PPARGC1A: variants seen among roughly 807,000 people sequenced by gnomAD.
PPARGC1A encodes the protein PPARG coactivator 1 alpha, also known as peroxisome proliferator-activated receptor gamma coactivator 1-alpha.
In PPARGC1A, 25 loss-of-function variants were observed where a neutral mutation model predicts 88.7. That is an observed-to-expected ratio of 0.28 (90% CI 0.21 to 0.39). PPARGC1A has a LOEUF of 0.39. Among genes scored for constraint, PPARGC1A ranks in the 10% least tolerant of loss-of-function variants. The probability of loss-of-function intolerance (pLI) is 1.00; values close to 1 mark genes in which losing one functional copy is unlikely to be tolerated. For synonymous variants in PPARGC1A, 363 were observed against 355.6 expected (o/e 1.02, Z -0.24); for missense variants, 880 against 968.7 (o/e 0.91, Z 1.22).
chr4:23,815,753 C>T (rs1197999934), intron 7 of PPARGC1A, among the ~76,000 whole-genome samples: 1 of 152,166 alleles, frequency 6.6e-6, no homozygotes, highest in Non-Finnish European at 1.5e-5. Context: ...TTTACGCTTA[C>T]AATGGAGCAT....
chr4:24,454,619 C>A, the PPARGC1A span, among the ~76,000 whole-genome samples: 1 of 151,908 alleles, frequency 6.6e-6, no homozygotes, highest in South Asian at 2.1e-4. Context: ...ATGCCTATAG[C>A]CCCACCTACT....
the PPARGC1A span, among the ~76,000 whole-genome samples, chr4:24,175,538 C>CTTTTTTTTTTTTTTTT: frequency 1.2e-5 from 1 of 84,880 alleles, no homozygotes; most frequent in Non-Finnish European, 2.2e-5. Flanking sequence ...CCACACCAAG[C>CTTTTTTTTTTTTTTTT]TTTTTTTTTT....
At chr4:23,836,456 C>A (rs982770801) in intron 2 of PPARGC1A, among the ~76,000 whole-genome samples, 1 of 152,184 alleles carries the variant, frequency 6.6e-6, no homozygotes, top group Admixed American at 6.5e-5. Flanking sequence ...GGCACATCAA[C>A]AAAAACTCAC....
At chr4:24,230,772 T>C in the PPARGC1A span, among the ~76,000 whole-genome samples, 1 of 152,064 alleles carries the variant, frequency 6.6e-6, no homozygotes, top group East Asian at 1.9e-4. Context: ...GAGACAGAAG[T>C]GGTCAGGCTT....
At chr4:24,430,260 T>C in the PPARGC1A span, among the ~76,000 whole-genome samples, 2 of 145,506 alleles carry the variant, frequency 1.4e-5, no homozygotes, top group South Asian at 4.4e-4. Flanking sequence ...TATTTCTTTT[T>C]TTTTTTTTTT....
chr4:23,873,221 A>AAAAG (rs1297257881), intron 2 of PPARGC1A, among the ~76,000 whole-genome samples: 11 of 142,416 alleles, frequency 7.7e-5, no homozygotes, highest in East Asian at 2.2e-4. Context: ...AAAAAATAAA[A>AAAAG]AATAAAGAAA....
At chr4:24,290,059 C>G in the PPARGC1A span, among the ~76,000 whole-genome samples, 1 of 152,106 alleles carries the variant, frequency 6.6e-6, no homozygotes, top group African/African-American at 2.4e-5. Context: ...AAGACTTATT[C>G]ACTATCATGA....
chr4:23,813,101 G>T lies in PPARGC1A; in HGVS notation c.1818C>A (p.Ser606Arg). The change falls in exon 9 of 13, where the codon AGC becomes AGA. Residue 606 changes from serine to arginine, a missense_variant. Coordinates refer to ENST00000264867, the MANE Select transcript of PPARGC1A (RefSeq NM_013261.5). ...SSRSCYYYESSHYRHRTHRNS... is the reference protein window; with the variant it reads ...SSRSCYYYESRHYRHRTHRNS... ...TTCGGTGCGTGCGGTGTCTGTAGTG[G>T]CTTGACTCATAGTAATAGCAGGATC... 6.2e-7 allele frequency: 1 copy of T among 1,614,030 alleles called. No individual in the cohort carries two copies. Among genetic ancestry groups the T allele is most frequent in the Non-Finnish European group, 8.5e-7 (1 of 1,179,938 alleles).
At chr4:24,300,324 A>ATTTTTTTTTT in the PPARGC1A span, among the ~76,000 whole-genome samples, 27 of 45,028 alleles carry the variant, frequency 6.0e-4, 4 homozygotes, top group African/African-American at 7.1e-4. Context: ...ATACAATAGC[A>ATTTTTTTTTT]TTTTTTTTTT....
chr4:24,013,743 T>G, the PPARGC1A span, among the ~76,000 whole-genome samples: 1 of 152,212 alleles, frequency 6.6e-6, no homozygotes, highest in African/African-American at 2.4e-5. Context: ...CAAAAGGAAA[T>G]GCAATAATTG....
At chr4:24,302,364 G>C in the PPARGC1A span, among the ~76,000 whole-genome samples, 3 of 152,172 alleles carry the variant, frequency 2.0e-5, no homozygotes, top group East Asian at 5.8e-4. Context: ...TTTGAAATTA[G>C]TGAGCACTGA....
chr4:24,277,621 C>A, the PPARGC1A span, among the ~76,000 whole-genome samples: 1 of 152,268 alleles, frequency 6.6e-6, no homozygotes, highest in East Asian at 1.9e-4. Flanking sequence ...CCATGAAATA[C>A]AATCCAGGGA....
chr4:23,801,064 T>A (rs914220432), intron 12 of PPARGC1A, among the ~76,000 whole-genome samples: 1 of 152,026 alleles, frequency 6.6e-6, no homozygotes, highest in African/African-American at 2.4e-5. Context: ...ATGATGATAT[T>A]TCTAAGTGTC....
chr4:23,999,438 A>C, the PPARGC1A span, among the ~76,000 whole-genome samples: 1 of 152,146 alleles, frequency 6.6e-6, no homozygotes, highest in Non-Finnish European at 1.5e-5. Context: ...AATCTTGGAA[A>C]CTCAGCATTA....
the PPARGC1A span, among the ~76,000 whole-genome samples, chr4:24,387,827 AGAAAGAGAGAAAGAGAGAG>A: frequency 1.3e-5 from 1 of 76,282 alleles, no homozygotes; most frequent in Non-Finnish European, 3.6e-5. Context: ...AAAGAAAGAG[AGAAAGAGAGAAAGAGAGAG>A]AGAAAGAGAG....
At chr4:24,288,293 A>G in the PPARGC1A span, among the ~76,000 whole-genome samples, 2 of 152,108 alleles carry the variant, frequency 1.3e-5, no homozygotes, top group African/African-American at 2.4e-5. Context: ...GGGTTTCTCA[A>G]CCTTCCAGGC....
At chr4:24,137,639 T>C in the PPARGC1A span, among the ~76,000 whole-genome samples, 1 of 152,126 alleles carries the variant, frequency 6.6e-6, no homozygotes, top group South Asian at 2.1e-4. Flanking sequence ...TACTGGTCCA[T>C]ACTGCCCCCC....
At chr4:24,224,353 A>T in the PPARGC1A span, among the ~76,000 whole-genome samples, 1 of 152,230 alleles carries the variant, frequency 6.6e-6, no homozygotes, top group Non-Finnish European at 1.5e-5. Context: ...GAGATGGGAA[A>T]TAAAGAGAGC....
At chr4:23,927,398 C>A in the PPARGC1A span, among the ~76,000 whole-genome samples, 1 of 152,092 alleles carries the variant, frequency 6.6e-6, no homozygotes. Context: ...TAAAAGCCTC[C>A]TATATATTTA....
Sources: gnomAD v4.1 joint callset for allele counts (sites outside exome capture counted in the v4.1 genomes callset) on GRCh38, gnomAD v4.1.1 for gene constraint, MANE v1.5 for transcripts, NCBI Gene and HGNC (gene_info 2026-07-23, HGNC 2026-07-21) for gene names.